The following OPCML variants were observed in gnomAD, a reference collection of about 807,000 sequenced individuals.
OPCML encodes opioid-binding protein/cell adhesion molecule.
OPCML carries 13 observed loss-of-function variants against 37.8 expected under a neutral mutation model. That is an observed-to-expected ratio of 0.34 (90% CI 0.22 to 0.55). The LOEUF (loss-of-function observed/expected upper bound fraction) is 0.55, where lower values mean the gene tolerates loss of function less well. OPCML is among the 20% of genes least tolerant of loss of function. OPCML has a pLI of 0.91. For missense variants in OPCML, 341 were observed against 435.6 expected, an observed-to-expected ratio of 0.78 and a Z score of 1.93; for synonymous variants, 176 against 168.8, an observed-to-expected ratio of 1.04 and a Z score of -0.33.
intron 1 of OPCML, among the ~76,000 whole-genome samples, chr11:133,035,656 T>G (rs1156942620): frequency 1.3e-5 from 2 of 152,168 alleles, no homozygotes; most frequent in African/African-American, 4.8e-5. Flanking sequence ...AATGTACATG[T>G]CAAAGTCCTA....
chr11:132,890,637 G>A (rs891240813), intron 2 of OPCML, among the ~76,000 whole-genome samples: 2 of 151,152 alleles, frequency 1.3e-5, no homozygotes, highest in Non-Finnish European at 2.9e-5. Context: ...ACGAGGTCAG[G>A]AGATCGAGAC....
intron 2 of OPCML, among the ~76,000 whole-genome samples, chr11:132,842,123 T>C (rs1424368597): frequency 6.6e-6 from 1 of 152,128 alleles, no homozygotes; most frequent in Non-Finnish European, 1.5e-5. Flanking sequence ...ATTGGCTTTA[T>C]TCCCTCAATC....
intron 1 of OPCML, among the ~76,000 whole-genome samples, chr11:133,051,448 T>C (rs1334492720): frequency 1.3e-5 from 2 of 152,152 alleles, no homozygotes; most frequent in Non-Finnish European, 2.9e-5. Context: ...AAAGCACCCC[T>C]TCCTGTTCAG....
chr11:132,769,905 G>T (rs1053305265), intron 2 of OPCML, among the ~76,000 whole-genome samples: 8 of 152,080 alleles, frequency 5.3e-5, no homozygotes, highest in African/African-American at 1.9e-4. Context: ...GAACACAACA[G>T]CATCTCTTCA....
chr11:132,950,139 G>A (rs972591910), intron 1 of OPCML, among the ~76,000 whole-genome samples: 8 of 152,208 alleles, frequency 5.3e-5, no homozygotes, highest in African/African-American at 1.2e-4. Context: ...AGGGCAGTGC[G>A]ATAACGTTGG....
At chr11:132,990,226 G>T (rs978616923) in intron 1 of OPCML, among the ~76,000 whole-genome samples, 1 of 152,144 alleles carries the variant, frequency 6.6e-6, no homozygotes, top group Non-Finnish European at 1.5e-5. Flanking sequence ...GTGCCTACAG[G>T]GCGTGCACCG....
chr11:132,825,952 G>A (rs566752740), intron 2 of OPCML, among the ~76,000 whole-genome samples: 3 of 152,144 alleles, frequency 2.0e-5, no homozygotes, highest in Admixed American at 1.3e-4. Context: ...CTTTGTCCAT[G>A]TGTGAACCCC....
At chr11:133,396,363 G>A (rs982383199) in intron 1 of OPCML, among the ~76,000 whole-genome samples, 7 of 152,006 alleles carry the variant, frequency 4.6e-5, no homozygotes, top group African/African-American at 1.4e-4. Context: ...TTTCCAATTT[G>A]AATGCCCTTT....
At chr11:132,721,740 G>A (rs953234745) in intron 2 of OPCML, among the ~76,000 whole-genome samples, 4 of 152,002 alleles carry the variant, frequency 2.6e-5, no homozygotes, top group African/African-American at 7.2e-5. Flanking sequence ...GGTAGAAACC[G>A]GACTGCTGTT....
chr11:132,555,170 T>C (rs1002480324), intron 3 of OPCML, among the ~76,000 whole-genome samples: 1 of 152,046 alleles, frequency 6.6e-6, no homozygotes, highest in Non-Finnish European at 1.5e-5. Context: ...AAACATGCAT[T>C]TTTTTGATTA....
chr11:132,851,840 T>G (rs1941822632), intron 2 of OPCML, among the ~76,000 whole-genome samples: 1 of 152,202 alleles, frequency 6.6e-6, no homozygotes, highest in Non-Finnish European at 1.5e-5. Context: ...GTTATTTTTA[T>G]GTAACGCCTG....
intron 1 of OPCML, among the ~76,000 whole-genome samples, chr11:133,156,671 T>C (rs776068546): frequency 2.7e-4 from 41 of 152,214 alleles, no homozygotes; most frequent in Non-Finnish European, 4.0e-4. Flanking sequence ...CAAGGCTACC[T>C]ATAAAGAATT....
At chr11:133,098,968 T>C (rs1327880212) in intron 1 of OPCML, among the ~76,000 whole-genome samples, 1 of 152,182 alleles carries the variant, frequency 6.6e-6, no homozygotes, top group East Asian at 1.9e-4. Context: ...TTAGCAATTA[T>C]AGCAAGGTTA....
chr11:132,558,807 TTGA>T (rs756480440), intron 3 of OPCML, among the ~76,000 whole-genome samples: 7 of 151,942 alleles, frequency 4.6e-5, no homozygotes, highest in Non-Finnish European at 1.0e-4. Flanking sequence ...CCTGATTCTG[TTGA>T]TGATTGCATA....
intron 2 of OPCML, among the ~76,000 whole-genome samples, chr11:132,866,435 A>G (rs898474525): frequency 6.6e-6 from 1 of 152,212 alleles, no homozygotes; most frequent in Non-Finnish European, 1.5e-5. Flanking sequence ...TCTCTTTTGA[A>G]GCACTGTACC....
intron 1 of OPCML, among the ~76,000 whole-genome samples, chr11:133,094,819 T>C (rs1440455147): frequency 6.6e-6 from 1 of 152,166 alleles, no homozygotes; most frequent in African/African-American, 2.4e-5. Context: ...TCTTGAAGTA[T>C]GTATCTAACA....
chr11:132,571,581 A>G (rs2096438566), intron 3 of OPCML, among the ~76,000 whole-genome samples: 1 of 152,122 alleles, frequency 6.6e-6, no homozygotes, highest in Non-Finnish European at 1.5e-5. Context: ...AGGTCCATCC[A>G]TCCTGTCACA....
intron 1 of OPCML, among the ~76,000 whole-genome samples, chr11:133,003,125 T>A (rs930377742): frequency 1.3e-5 from 2 of 152,234 alleles, no homozygotes; most frequent in South Asian, 2.1e-4. Context: ...GAATGTTTAT[T>A]TAAATTGAGA....
intron 3 of OPCML, among the ~76,000 whole-genome samples, chr11:132,586,719 C>G (rs1168644328): frequency 6.6e-6 from 1 of 152,078 alleles, no homozygotes; most frequent in East Asian, 1.9e-4. Context: ...AACAGATGAA[C>G]AAGGAGTGGC....
Sources: allele counts gnomAD v4.1 joint callset (sites outside exome capture counted in the v4.1 genomes callset), GRCh38; gene constraint gnomAD v4.1.1; transcripts MANE v1.5; gene names NCBI Gene and HGNC (gene_info 2026-07-23, HGNC 2026-07-21).